MRPS9: variants seen among roughly 807,000 people sequenced by gnomAD.
MRPS9 encodes mitochondrial ribosomal protein S9.
MRPS9 carries 45 observed loss-of-function variants against 59.9 expected under a neutral mutation model. The observed-to-expected ratio is 0.75, with a 90% CI of 0.59 to 0.96. The LOEUF (loss-of-function observed/expected upper bound fraction) is 0.96, where lower values mean the gene tolerates loss of function less well. Among genes scored for constraint, MRPS9 ranks in the 40% least tolerant of loss-of-function variants. The pLI is 0.00. For missense variants in MRPS9, 473 were observed against 481.1 expected, an observed-to-expected ratio of 0.98 and a Z score of 0.16; for synonymous variants, 171 against 166.8, an observed-to-expected ratio of 1.03 and a Z score of -0.19.
chr2:105,060,313 G>A (rs1419435280), intron 2 of MRPS9, among the ~76,000 whole-genome samples: 7 of 152,134 alleles, frequency 4.6e-5, no homozygotes, highest in African/African-American at 1.7e-4. Flanking sequence ...ACAGAGTCTT[G>A]CTCTGTTGCC....
chr2:105,081,205 G>A (rs1391765989), intron 5 of MRPS9, among the ~76,000 whole-genome samples: 4 of 152,194 alleles, frequency 2.6e-5, no homozygotes, highest in African/African-American at 9.7e-5. Flanking sequence ...AAGAAATAAT[G>A]TACAACGCTT....
chr2:105,059,072 GTTT>G (rs58396321), intron 2 of MRPS9, among the ~76,000 whole-genome samples: 5 of 138,308 alleles, frequency 3.6e-5, no homozygotes, highest in Non-Finnish European at 6.3e-5. Context: ...GTTCTGTGGG[GTTT>G]TTTTTTTTTT....
intron 1 of MRPS9, among the ~76,000 whole-genome samples, chr2:105,046,454 A>G (rs10172135): frequency 6.6e-6 from 1 of 151,524 alleles, no homozygotes; most frequent in Non-Finnish European, 1.5e-5. Flanking sequence ...AAGTGTCAAC[A>G]TCATGTCTCA....
At chr2:105,061,055 A>G (rs1300672933) in intron 2 of MRPS9, among the ~76,000 whole-genome samples, 1 of 134,886 alleles carries the variant, frequency 7.4e-6, no homozygotes, top group African/African-American at 2.8e-5. Context: ...ACTTGCAGTG[A>G]GCCGAGATCG....
chr2:105,044,500 T>C (rs1679559551), intron 1 of MRPS9, among the ~76,000 whole-genome samples: 2 of 152,230 alleles, frequency 1.3e-5, no homozygotes, highest in African/African-American at 4.8e-5. Flanking sequence ...TGCCATACTC[T>C]TAAGCAATGT....
At chr2:105,084,585 T>C (rs867135154) in intron 5 of MRPS9, among the ~76,000 whole-genome samples, 4 of 152,310 alleles carry the variant, frequency 2.6e-5, no homozygotes, top group Non-Finnish European at 4.4e-5. Context: ...TTGCAGAGAA[T>C]ATTTAAAACT....
chr2:105,063,219 T>C (rs897308963), intron 2 of MRPS9, among the ~76,000 whole-genome samples: 6 of 152,210 alleles, frequency 3.9e-5, no homozygotes, highest in Non-Finnish European at 7.3e-5. Context: ...TAGTGCGCCA[T>C]GATCACATCT....
intron 4 of MRPS9, among the ~76,000 whole-genome samples, chr2:105,079,182 A>T (rs917337084): frequency 6.6e-6 from 1 of 152,264 alleles, no homozygotes; most frequent in Admixed American, 6.5e-5. Context: ...GAAAGGTAAC[A>T]TAAGTAAAAG....
rs186899771 is a variant in MRPS9 at position 105,045,915 on chromosome 2, A to G, written c.136-3256A>G. On this transcript the variant is annotated intron_variant, in intron 1 of 10. Coordinates refer to ENST00000258455, the MANE Select transcript of MRPS9 (RefSeq NM_182640.3). The stretch of plus-strand genomic sequence containing the variant: ...AGTCTCCCTCTGTTGCCCAGGCTGG[A>G]GTGCAGTGGTGCGATCTTGGCTAAC... 5.3e-4 allele frequency among the ~76,000 whole-genome samples: 80 copies of G among 152,130 alleles called. No individual in the cohort carries two copies. The East Asian group carries it at 0.014, about 27-fold the overall frequency.
intron 2 of MRPS9, among the ~76,000 whole-genome samples, chr2:105,064,505 C>T (rs1679963611): frequency 6.6e-6 from 1 of 152,254 alleles, no homozygotes; most frequent in South Asian, 2.1e-4. Context: ...TCACATGATC[C>T]TTGAGGTTGC....
chr2:105,081,794 C>CT (rs1297409526), intron 5 of MRPS9, among the ~76,000 whole-genome samples: 3 of 152,028 alleles, frequency 2.0e-5, no homozygotes, highest in Non-Finnish European at 4.4e-5. Flanking sequence ...TAGAAGAGTC[C>CT]TTTGGGCTTT....
intron 9 of MRPS9, 188 bp from the exon 10 acceptor site, chr2:105,096,967 C>A: frequency 7.8e-6 from 4 of 510,336 alleles, no homozygotes; most frequent in Non-Finnish European, 1.2e-5. Flanking sequence ...AATCTCTCAG[C>A]AAATCATTCA....
intron 2 of MRPS9, among the ~76,000 whole-genome samples, chr2:105,070,165 G>C (rs187330565): frequency 3.3e-5 from 5 of 152,128 alleles, no homozygotes; most frequent in Non-Finnish European, 7.4e-5. Context: ...TCCAGCCTGC[G>C]TGACAAAGCA....
At chr2:105,038,254 C>G (rs1221198468) in intron 1 of MRPS9, 27 bp downstream of exon 1, 2 of 1,600,588 alleles carry the variant, frequency 1.2e-6, no homozygotes, top group African/African-American at 2.7e-5. Context: ...CTGGAAGCGG[C>G]TTACCTCTGC....
chr2:105,049,351 GTAAGTACAGT>G lies in MRPS9; in HGVS notation c.315+4_315+13del. ...AACTTTCACTCAAGAAGATATTGAC[GTAAGTACAGT>G]TACTCTGTTGAAAAAGTAATTGCTG... On this transcript the variant is annotated splice_donor_variant and splice_donor_5th_base_variant and intron_variant, in intron 2 of 10. Coordinates refer to ENST00000258455, the MANE Select transcript of MRPS9 (RefSeq NM_182640.3). LOFTEE classifies it high-confidence loss of function. The G allele has an allele frequency of 6.2e-7, 1 of 1,604,140 alleles. No homozygotes were observed. Among genetic ancestry groups the G allele is most frequent in the Non-Finnish European group, 8.5e-7 (1 of 1,177,012 alleles).
At chr2:105,041,968 C>G (rs1184508029) in intron 1 of MRPS9, among the ~76,000 whole-genome samples, 1 of 152,154 alleles carries the variant, frequency 6.6e-6, no homozygotes, top group Non-Finnish European at 1.5e-5. Flanking sequence ...TACTATCATT[C>G]TCACCTCTCT....
At chr2:105,038,390 C>A (rs1274914723) in intron 1 of MRPS9, 163 bp downstream of exon 1, 3 of 814,962 alleles carry the variant, frequency 3.7e-6, no homozygotes, top group African/African-American at 3.5e-5. Flanking sequence ...TGGGTATTGG[C>A]GTGCAGTAGC....
At chr2:105,074,872 C>T (rs77810955) in intron 4 of MRPS9, among the ~76,000 whole-genome samples, 29,455 of 152,112 alleles carry the variant, frequency 0.19, 3,035 homozygotes, top group Middle Eastern at 0.35. Flanking sequence ...GACGATTTCA[C>T]GGACCAGGGG....
At chr2:105,052,260 A>G (rs1034788725) in intron 2 of MRPS9, among the ~76,000 whole-genome samples, 6 of 152,154 alleles carry the variant, frequency 3.9e-5, no homozygotes, top group African/African-American at 1.4e-4. Context: ...TGCGTTTTTC[A>G]TGGGTGCTCT....
Sources: allele counts gnomAD v4.1 joint callset (sites outside exome capture counted in the v4.1 genomes callset), GRCh38; gene constraint gnomAD v4.1.1; transcripts MANE v1.5; gene names NCBI Gene and HGNC (gene_info 2026-07-23, HGNC 2026-07-21).